STX2: variants seen among roughly 807,000 people sequenced by gnomAD.
STX2 encodes syntaxin-2.
STX2 carries 27 observed loss-of-function variants against 40.6 expected under a neutral mutation model. That is an observed-to-expected ratio of 0.66 (90% CI 0.49 to 0.92). The LOEUF is 0.92. Ranked by LOEUF, STX2 falls within the 40% of genes least tolerant of loss-of-function variation. The pLI is 0.00. For synonymous variants in STX2, 123 were observed against 119.1 expected, an observed-to-expected ratio of 1.03 and a Z score of -0.22; for missense variants, 328 against 366.1, an observed-to-expected ratio of 0.90 and a Z score of 0.85.
intron 3 of STX2, among the ~76,000 whole-genome samples, chr12:130,819,383 C>T (rs1952027277): frequency 6.8e-5 from 10 of 146,358 alleles, no homozygotes; most frequent in Admixed American, 6.8e-4. Context: ...CTCTGCGTTA[C>T]CCCGGGCCCA....
intron 1 of STX2, among the ~76,000 whole-genome samples, chr12:130,834,284 G>A (rs1430673157): frequency 1.3e-5 from 2 of 148,736 alleles, no homozygotes; most frequent in Admixed American, 1.4e-4. Flanking sequence ...TTGAACCCTA[G>A]AGGCGGAGGA....
intron 8 of STX2, among the ~76,000 whole-genome samples, chr12:130,798,934 G>T (rs1951123991): frequency 6.6e-6 from 1 of 152,246 alleles, no homozygotes; most frequent in Admixed American, 6.5e-5. Flanking sequence ...ACTTTCGACA[G>T]ATGGGCAGGG....
intron 4 of STX2, chr12:130,812,039 C>G (rs1358028616): frequency 4.7e-6 from 1 of 212,724 alleles, no homozygotes; most frequent in African/African-American, 2.4e-5. Flanking sequence ...TGCAGCATGG[C>G]AGATTCTGTA....
At chr12:130,799,706 C>T (rs1461106465) in intron 8 of STX2, among the ~76,000 whole-genome samples, 2 of 151,548 alleles carry the variant, frequency 1.3e-5, no homozygotes, top group Non-Finnish European at 2.9e-5. Context: ...CCCAGCTACT[C>T]GGGAGGCTGA....
chr12:130,813,129 G>A (rs1353432487), intron 3 of STX2, 98 bp from the exon 4 acceptor site: 2 of 765,648 alleles, frequency 2.6e-6, no homozygotes, highest in African/African-American at 3.7e-5. Flanking sequence ...AGTATCCTTA[G>A]TAAATATTCA....
At chr12:130,817,225 A>C (rs1951893774) in intron 3 of STX2, among the ~76,000 whole-genome samples, 1 of 152,208 alleles carries the variant, frequency 6.6e-6, no homozygotes, top group South Asian at 2.1e-4. Flanking sequence ...ATTCAAAGAG[A>C]TAAAATGTAA....
intron 1 of STX2, among the ~76,000 whole-genome samples, chr12:130,835,588 C>T (rs568035889): frequency 6.6e-6 from 1 of 152,136 alleles, no homozygotes; most frequent in South Asian, 2.1e-4. Context: ...ATTTTGCTTA[C>T]GTCCTACAGT....
chr12:130,803,679 AAAAAAAAAAAC>A (rs1424091440), intron 6 of STX2, among the ~76,000 whole-genome samples: 3 of 122,246 alleles, frequency 2.5e-5, no homozygotes, highest in African/African-American at 6.3e-5. Context: ...AAAAAAAAAA[AAAAAAAAAAAC>A]AAACTAAAAG....
intron 2 of STX2, 94 bp from the exon 3 acceptor site, chr12:130,821,882 A>G (rs866160361): frequency 1.4e-6 from 1 of 703,134 alleles, no homozygotes; most frequent in Non-Finnish European, 2.4e-6. Context: ...AGGGAAATAA[A>G]TAATTACCAC....
Position 130,796,067 on chromosome 12 carries a change from T to C in STX2, c.840A>G (p.Leu280=). 6.2e-7 allele frequency: 1 copy of C among 1,614,132 alleles called. No homozygotes were observed. The highest frequency in any genetic ancestry group is 1.1e-5 in the South Asian group (1 of 91,074). Residue 280 remains leucine (L), a synonymous_variant, in exon 10 of 11, where the codon CTA becomes CTG. Transcript: ENST00000392373. ...ATTTGCCAACTGACAAGCCAATAAT[T>C]AGAGCGATTATGGCAACCAGAACCA... is the stretch of plus-strand genomic sequence containing the variant. The part of the protein sequence containing the change: ...VSVVLVAIIA[L]IIGLSVGK
intron 6 of STX2, among the ~76,000 whole-genome samples, chr12:130,802,890 C>T (rs1951285638): frequency 2.6e-5 from 4 of 152,296 alleles, no homozygotes; most frequent in Admixed American, 2.6e-4. Context: ...TTATATGAAA[C>T]ATCCAAAATG....
intron 9 of STX2, 32 bp from the exon 10 acceptor site, chr12:130,796,152 G>C: frequency 6.2e-7 from 1 of 1,612,612 alleles, no homozygotes; most frequent in Middle Eastern, 1.7e-4. Context: ...ATTATATCAT[G>C]CATGGTTAAT....
chr12:130,804,012 C>A (rs1951333451), intron 6 of STX2, among the ~76,000 whole-genome samples: 1 of 152,196 alleles, frequency 6.6e-6, no homozygotes, highest in Non-Finnish European at 1.5e-5. Context: ...TCCTAGACCC[C>A]ACCTGGGGAT....
intron 3 of STX2, among the ~76,000 whole-genome samples, chr12:130,820,608 G>A (rs1952074247): frequency 6.6e-6 from 1 of 152,144 alleles, no homozygotes; most frequent in African/African-American, 2.4e-5. Flanking sequence ...GGAAGTTGCA[G>A]TGAGCCGAGA....
intron 10 of STX2, among the ~76,000 whole-genome samples, chr12:130,794,504 A>G (rs973537709): frequency 7.2e-5 from 11 of 152,272 alleles, no homozygotes; most frequent in Admixed American, 4.6e-4. Flanking sequence ...TAAGATATCA[A>G]TCTCTTGTTT....
intron 10 of STX2, among the ~76,000 whole-genome samples, chr12:130,795,385 A>C (rs767487431): frequency 1.8e-4 from 28 of 152,170 alleles, no homozygotes; most frequent in Admixed American, 5.2e-4. Context: ...ATTAATCTTC[A>C]CTGAATTTCT....
At chr12:130,807,499 GGGGACCCAGGCAGGCGGACCCCAGAGCC>G in intron 5 of STX2, among the ~76,000 whole-genome samples, 1 of 150,394 alleles carries the variant, frequency 6.6e-6, no homozygotes, top group African/African-American at 2.5e-5. Context: ...GTGCCCATGA[GGGGACCCAGGCAGGCGGACCCCAGAGCC>G]TGCGTGCTTC....
intron 4 of STX2, among the ~76,000 whole-genome samples, chr12:130,809,453 A>T (rs1319163867): frequency 2.0e-5 from 3 of 152,220 alleles, no homozygotes; most frequent in African/African-American, 7.2e-5. Flanking sequence ...AATTAAATTT[A>T]AAAAAATTAA....
At chr12:130,814,627 CTTTTT>C (rs5801936) in intron 3 of STX2, among the ~76,000 whole-genome samples, 60 of 49,266 alleles carry the variant, frequency 1.2e-3, no homozygotes, top group African/African-American at 4.9e-3. Context: ...ATTAGAAAGA[CTTTTT>C]TTTTTTTTTT....
Sources: gnomAD v4.1 joint callset for allele counts (sites outside exome capture counted in the v4.1 genomes callset) on GRCh38, gnomAD v4.1.1 for gene constraint, MANE v1.5 for transcripts, NCBI Gene and HGNC (gene_info 2026-07-23, HGNC 2026-07-21) for gene names.